The following PARD3 variants were observed in gnomAD, a reference collection of about 807,000 sequenced individuals.
PARD3 encodes the protein partitioning defective 3 homolog.
PARD3 carries 75 observed loss-of-function variants against 155.4 expected under a neutral mutation model. That is an observed-to-expected ratio of 0.48 (90% CI 0.40 to 0.58). PARD3 has a LOEUF of 0.58. PARD3 is among the 20% of genes least tolerant of loss of function. The pLI is 0.00. For missense variants in PARD3, 1,642 were observed against 1,721.7 expected, an observed-to-expected ratio of 0.95 and a Z score of 0.82; for synonymous variants, 576 against 610.5, an observed-to-expected ratio of 0.94 and a Z score of 0.83.
At chr10:34,792,364 C>T (rs1266885635) in intron 1 of PARD3, among the ~76,000 whole-genome samples, 1 of 152,218 alleles carries the variant, frequency 6.6e-6, no homozygotes, top group Non-Finnish European at 1.5e-5. Flanking sequence ...GGACTTCAGG[C>T]ACAGGTACCG....
At chr10:34,355,227 A>T (rs1358674519) in intron 14 of PARD3, among the ~76,000 whole-genome samples, 3 of 152,088 alleles carry the variant, frequency 2.0e-5, no homozygotes, top group African/African-American at 4.8e-5. Context: ...TACTAGGGAG[A>T]CAGGTGGCAG....
intron 2 of PARD3, among the ~76,000 whole-genome samples, chr10:34,681,860 G>A (rs1383072873): frequency 2.3e-5 from 3 of 129,978 alleles, no homozygotes; most frequent in African/African-American, 8.8e-5. Flanking sequence ...GGCTCAAGCA[G>A]ACCTCCCACT....
At chr10:34,343,397 T>C (rs1837041231) in intron 15 of PARD3, 1 of 983,636 alleles carries the variant, frequency 1.0e-6, no homozygotes, top group African/African-American at 1.7e-5. Context: ...ATTTTTTTTG[T>C]AATCTGTTGT....
intron 1 of PARD3, among the ~76,000 whole-genome samples, chr10:34,731,586 C>T (rs1283589559): frequency 6.6e-6 from 1 of 152,156 alleles, no homozygotes. Context: ...CCATTAAAAT[C>T]ACAGAACTTA....
chr10:34,472,941 T>A (rs1157989719), intron 3 of PARD3, among the ~76,000 whole-genome samples: 8 of 152,222 alleles, frequency 5.3e-5, no homozygotes, highest in Non-Finnish European at 8.8e-5. Flanking sequence ...AATGTGTTAG[T>A]CTGCAACAGA....
intron 22 of PARD3, among the ~76,000 whole-genome samples, chr10:34,153,951 C>T (rs1040733214): frequency 5.9e-5 from 9 of 152,204 alleles, no homozygotes; most frequent in Non-Finnish European, 8.8e-5. Flanking sequence ...CCATTTCCCT[C>T]ACTCCGGCCT....
rs1473589326 is a variant in PARD3 at position 34,185,386 on chromosome 10, G to C, written c.3420-53803C>G. Among the ~76,000 whole-genome samples the C allele has an allele frequency of 2.6e-5, 4 of 152,062 alleles. No individual in the cohort carries two copies. In the East Asian group the frequency reaches 5.8e-4, roughly 22 times the overall value. ...TGTCATTAGTATTATACAATGTTAG[G>C]AGCCAATTTGTCATACAGATCTCCA... On this transcript the variant is annotated intron_variant, in intron 22 of 24. Transcript: ENST00000374788.
intron 4 of PARD3, among the ~76,000 whole-genome samples, 155 bp downstream of exon 4, chr10:34,469,930 T>C (rs2078244655): frequency 6.6e-6 from 1 of 152,108 alleles, no homozygotes; most frequent in Non-Finnish European, 1.5e-5. Flanking sequence ...TAGGAGACTA[T>C]CTGAACTTTG....
At chr10:34,415,491 G>A (rs1845578110) in intron 5 of PARD3, among the ~76,000 whole-genome samples, 1 of 152,136 alleles carries the variant, frequency 6.6e-6, no homozygotes, top group East Asian at 1.9e-4. Flanking sequence ...TTACATTCTA[G>A]AAAGCCTATT....
intron 22 of PARD3, among the ~76,000 whole-genome samples, chr10:34,262,688 G>A (rs983683173): frequency 2.6e-5 from 4 of 152,200 alleles, no homozygotes; most frequent in African/African-American, 9.7e-5. Context: ...TTTCCATGGA[G>A]TATTGCAAAC....
At chr10:34,634,216 G>C (rs1219442027) in intron 2 of PARD3, among the ~76,000 whole-genome samples, 1 of 152,170 alleles carries the variant, frequency 6.6e-6, no homozygotes, top group East Asian at 1.9e-4. Flanking sequence ...GGAGTTGTGA[G>C]AAATTATCCC....
At chr10:34,154,097 T>C (rs915371985) in intron 22 of PARD3, among the ~76,000 whole-genome samples, 1 of 152,212 alleles carries the variant, frequency 6.6e-6, no homozygotes, top group African/African-American at 2.4e-5. Flanking sequence ...TATTAGGAGA[T>C]AAAACTTGTT....
intron 1 of PARD3, among the ~76,000 whole-genome samples, chr10:34,767,988 A>G (rs942511976): frequency 1.3e-5 from 2 of 152,104 alleles, no homozygotes; most frequent in Non-Finnish European, 2.9e-5. Flanking sequence ...TAATCTTTCT[A>G]TAAGAAGCAT....
At chr10:34,182,932 T>C (rs1950329343) in intron 22 of PARD3, among the ~76,000 whole-genome samples, 1 of 152,098 alleles carries the variant, frequency 6.6e-6, no homozygotes, top group South Asian at 2.1e-4. Flanking sequence ...TACATCAACA[T>C]TGCAAAAACA....
intron 9 of PARD3, among the ~76,000 whole-genome samples, chr10:34,381,912 C>CAAAAAAAAAA (rs202053812): frequency 1.9e-3 from 139 of 71,764 alleles, no homozygotes; most frequent in East Asian, 3.4e-3. Context: ...GGCCCTGTCT[C>CAAAAAAAAAA]AAAAAAAAAA....
In PARD3 at chr10:34,573,807, G is replaced by A. The variant is rs375930612; in HGVS notation, c.223-56648C>T. ...CACAGAGAATCAGCCTCCAAGTACC[G>A]AACTATACTTGCTTCATGCACACAC... On this transcript the variant is annotated intron_variant, in intron 2 of 24. Coordinates refer to ENST00000374788, the MANE Select transcript of PARD3 (RefSeq NM_001184785.2). 7.4e-5 allele frequency among the ~76,000 whole-genome samples: 11 copies of A among 148,370 alleles called. No individual in the cohort carries two copies. In the East Asian group the frequency reaches 1.0e-3, roughly 13 times the overall value.
intron 2 of PARD3, among the ~76,000 whole-genome samples, chr10:34,564,506 G>T (rs1014036401): frequency 6.6e-6 from 1 of 152,192 alleles, no homozygotes; most frequent in Non-Finnish European, 1.5e-5. Context: ...TCTTCGGAGG[G>T]TTTTGAGGGT....
chr10:34,131,379 T>C (rs1947602631), intron 23 of PARD3, 84 bp downstream of exon 23: 24 of 1,478,552 alleles, frequency 1.6e-5, no homozygotes, highest in Non-Finnish European at 2.2e-5. Context: ...TCTCGTTTCA[T>C]AGAGCATTGA....
intron 2 of PARD3, among the ~76,000 whole-genome samples, chr10:34,600,180 C>CAA (rs71033321): frequency 0.019 from 2,428 of 130,648 alleles, 61 homozygotes; most frequent in African/African-American, 0.056. Context: ...ATCAAAAATA[C>CAA]AAAAAAAAAA....
Sources: gnomAD v4.1 joint callset for allele counts (sites outside exome capture counted in the v4.1 genomes callset) on GRCh38, gnomAD v4.1.1 for gene constraint, MANE v1.5 for transcripts, NCBI Gene and HGNC (gene_info 2026-07-23, HGNC 2026-07-21) for gene names.